Variants in ASAP2 observed in about 807,000 individuals in gnomAD.
ASAP2 encodes arf-GAP with SH3 domain, ANK repeat and PH domain-containing protein 2.
ASAP2 carries 45 observed loss-of-function variants against 131.4 expected under a neutral mutation model. That is an observed-to-expected ratio of 0.34 (90% CI 0.27 to 0.44). The LOEUF is 0.44. Ranked by LOEUF, ASAP2 falls within the 20% of genes least tolerant of loss-of-function variation. The pLI is 1.00. For synonymous variants in ASAP2, 510 were observed against 503.0 expected, an observed-to-expected ratio of 1.01 and a Z score of -0.19; for missense variants, 1,011 against 1,297.0, an observed-to-expected ratio of 0.78 and a Z score of 3.39.
At position 9,393,510 on chromosome 2, in the gene ASAP2, C is replaced by A; in HGVS notation, c.2547C>A (p.Pro849=). 1 of 1,606,558 alleles carries A rather than the reference C, an allele frequency of 6.2e-7. No homozygotes were observed. The highest frequency in any genetic ancestry group is 1.3e-5 in the African/African-American group (1 of 74,852). Residue 849 remains proline, a synonymous_variant, in exon 24 of 28, where the codon CCC becomes CCA. Transcript: ENST00000281419. ...CCCTGACCCCCACGCCGCCCCCACC[C>A]GTTGCCAAGACGCCCAGCGTAATGG... The part of the protein sequence containing the change: ...TNPLTPTPPP[P]VAKTPSVMEA...
At chr2:9,305,461 A>AGG (rs1668833324) in intron 3 of ASAP2, among the ~76,000 whole-genome samples, 1 of 100,646 alleles carries the variant, frequency 9.9e-6, no homozygotes, top group African/African-American at 4.0e-5. Flanking sequence ...ATTGGTGTAG[A>AGG]GGCTGTAGTA....
At chr2:9,301,507 GGGCC>G (rs1668469182) in intron 3 of ASAP2, among the ~76,000 whole-genome samples, 1 of 152,184 alleles carries the variant, frequency 6.6e-6, no homozygotes, top group Non-Finnish European at 1.5e-5. Flanking sequence ...AAGACTCCAA[GGGCC>G]ACCTCTGTGC....
intron 2 of ASAP2, among the ~76,000 whole-genome samples, chr2:9,289,545 TA>T (rs1377568702): frequency 6.6e-6 from 1 of 151,376 alleles, no homozygotes; most frequent in African/African-American, 2.4e-5. Flanking sequence ...ACCATCAACA[TA>T]AAAAAAAATA....
chr2:9,388,585 G>A (rs927276457), intron 22 of ASAP2, 39 bp downstream of exon 22: 12 of 1,581,450 alleles, frequency 7.6e-6, no homozygotes, highest in African/African-American at 1.4e-5. Flanking sequence ...TATATAGAGG[G>A]TCTTGTTTTG....
Position 9,217,538 on chromosome 2 carries a change from A to G in ASAP2, c.126+10308A>G, listed in dbSNP as rs1330685902. ...TCACTTGTCTTTTAGGATTCTAGCCAGGCAGTCAGGATTGTCGGGACCTCT... is the reference window on the plus strand; with the variant it reads ...TCACTTGTCTTTTAGGATTCTAGCCGGGCAGTCAGGATTGTCGGGACCTCT... On this transcript the variant is annotated intron_variant, in intron 1 of 27. Transcript: ENST00000281419. This position sits in a 1 kb window ranked among gnomAD's most constrained non-coding sequence, Gnocchi z 4.0. Among the ~76,000 whole-genome samples, 1 of 152,170 alleles carries G rather than the reference A, an allele frequency of 6.6e-6. No homozygotes were observed. The highest frequency in any genetic ancestry group is 1.5e-5 in the Non-Finnish European group (1 of 68,030).
rs551595575 is a variant in ASAP2, at chr2:9,207,956, G to C, written c.126+726G>C. On this transcript the variant is annotated intron_variant, in intron 1 of 27. Coordinates refer to ENST00000281419, the MANE Select transcript of ASAP2 (RefSeq NM_003887.3). This position sits in a 1 kb window ranked among gnomAD's most constrained non-coding sequence, Gnocchi z 4.1. ...TGCTCTCAAGGTGCAAAGTCATCACGCCTAGCTGCTAAGCAGTACGCTCTC... is the reference window on the plus strand; with the variant it reads ...TGCTCTCAAGGTGCAAAGTCATCACCCCTAGCTGCTAAGCAGTACGCTCTC... Among the ~76,000 whole-genome samples the C allele has an allele frequency of 4.6e-5, 7 of 152,290 alleles. No homozygotes were observed. The highest frequency in any genetic ancestry group is 1.2e-4 in the African/African-American group (5 of 41,556).
chr2:9,246,403 T>A (rs1317631774), intron 1 of ASAP2, among the ~76,000 whole-genome samples: 1 of 152,166 alleles, frequency 6.6e-6, no homozygotes, highest in East Asian at 1.9e-4. Flanking sequence ...CCTCCTGCCT[T>A]GTTCTCCCAA....
intron 1 of ASAP2, among the ~76,000 whole-genome samples, chr2:9,231,300 T>G (rs1178368368): frequency 1.3e-5 from 2 of 152,180 alleles, no homozygotes; most frequent in East Asian, 1.9e-4. Context: ...GGCTCTGCCC[T>G]CTTCCTCTCC....
intron 2 of ASAP2, among the ~76,000 whole-genome samples, chr2:9,292,782 G>A (rs1408729659): frequency 6.6e-6 from 1 of 152,228 alleles, no homozygotes; most frequent in Non-Finnish European, 1.5e-5. Flanking sequence ...TCCCAGCCAT[G>A]AGCATATGTG....
chr2:9,317,694 TCA>T (rs1669868059), intron 3 of ASAP2, among the ~76,000 whole-genome samples: 1 of 147,010 alleles, frequency 6.8e-6, no homozygotes, highest in Non-Finnish European at 1.5e-5. Flanking sequence ...CCTGAAACCC[TCA>T]CACGCCCACA....
chr2:9,211,109 C>T lies in ASAP2; in HGVS notation c.126+3879C>T, dbSNP rs186597559. ...GGTAGAGGTTGCGGTGAGTCGAGAT[C>T]GTGCCATTGCACTCCAGCCTGGGCA... is the stretch of plus-strand genomic sequence containing the variant. On this transcript the variant is annotated intron_variant, in intron 1 of 27. Coordinates refer to ENST00000281419, the MANE Select transcript of ASAP2 (RefSeq NM_003887.3). Among the ~76,000 whole-genome samples the T allele has an allele frequency of 2.4e-4, 36 of 151,056 alleles. No homozygotes were observed. The East Asian group carries it at 3.7e-3, about 16-fold the overall frequency.
At chr2:9,228,185 A>T (rs924186274) in intron 1 of ASAP2, among the ~76,000 whole-genome samples, 5 of 152,252 alleles carry the variant, frequency 3.3e-5, no homozygotes, top group African/African-American at 1.2e-4. Flanking sequence ...CTCTTTGGCC[A>T]TATAACCTTG....
intron 25 of ASAP2, 130 bp downstream of exon 25, chr2:9,400,202 C>A: frequency 1.0e-6 from 1 of 967,656 alleles, no homozygotes; most frequent in Non-Finnish European, 1.5e-6. Context: ...CCTCCTGCCC[C>A]CTCCCCTCCT....
At chr2:9,287,214 G>T (rs1413111474) in intron 2 of ASAP2, among the ~76,000 whole-genome samples, 1 of 152,224 alleles carries the variant, frequency 6.6e-6, no homozygotes, top group Non-Finnish European at 1.5e-5. Context: ...CAGCAACGTG[G>T]GGAACACCCT....
intron 9 of ASAP2, among the ~76,000 whole-genome samples, chr2:9,343,258 T>C (rs1199570178): frequency 1.3e-5 from 2 of 152,210 alleles, no homozygotes; most frequent in Admixed American, 6.5e-5. Context: ...CATTATGGAA[T>C]GAACTGGATA....
At position 9,311,369 on chromosome 2, in the gene ASAP2, GAAA is replaced by G. The variant is rs551554603; in HGVS notation, c.346-7148_346-7146del. Among the ~76,000 whole-genome samples, 1 of 149,158 alleles carries G rather than the reference GAAA, an allele frequency of 6.7e-6. No individual in the cohort carries two copies. Among genetic ancestry groups the G allele is most frequent in the Non-Finnish European group, 1.5e-5 (1 of 67,184 alleles). Reference sequence around the variant, plus strand: ...AGAGGCACTCTCTCAAAAAAAAAAAGAAAAAAAAAGTTTGCCTGCTTGTTGGTC... The same window carrying G: ...AGAGGCACTCTCTCAAAAAAAAAAAGAAAAAAGTTTGCCTGCTTGTTGGTC... On this transcript the variant is annotated intron_variant, in intron 3 of 27. Coordinates refer to ENST00000281419, the MANE Select transcript of ASAP2 (RefSeq NM_003887.3). This position sits in a 1 kb window ranked among gnomAD's most constrained non-coding sequence, Gnocchi z 5.2.
chr2:9,279,278 C>A (rs758337691), intron 1 of ASAP2, 39 bp from the exon 2 acceptor site: 2 of 1,598,084 alleles, frequency 1.3e-6, no homozygotes, highest in South Asian at 2.2e-5. Flanking sequence ...GTGGTCTCAG[C>A]ACAGACACGG....
At chr2:9,369,522 A>G (rs1373253402) in intron 16 of ASAP2, among the ~76,000 whole-genome samples, 1 of 152,142 alleles carries the variant, frequency 6.6e-6, no homozygotes, top group Admixed American at 6.5e-5. Flanking sequence ...ATAGGGGGAC[A>G]TGGGTGGTTT....
chr2:9,336,111 A>G (rs1042843273), intron 9 of ASAP2: 4 of 152,202 alleles, frequency 2.6e-5, no homozygotes, highest in African/African-American at 9.6e-5. Context: ...ATACATATAT[A>G]TATTCCTTTT....
Sources: allele counts gnomAD v4.1 joint callset (sites outside exome capture counted in the v4.1 genomes callset), GRCh38; gene constraint gnomAD v4.1.1; non-coding constraint Gnocchi (gnomAD v3.1); transcripts MANE v1.5; gene names NCBI Gene and HGNC (gene_info 2026-07-23, HGNC 2026-07-21).